The following RADIL variants were observed in gnomAD, a reference collection of about 807,000 sequenced individuals.
RADIL encodes Rap associating with DIL domain.
Under a neutral mutation model 97.6 loss-of-function variants are expected in RADIL, and 99 were observed. That is an observed-to-expected ratio of 1.01 (90% CI 0.86 to 1.20). The LOEUF (loss-of-function observed/expected upper bound fraction) is 1.20, where lower values mean the gene tolerates loss of function less well. Ranked by LOEUF, RADIL falls within the 50% of genes most tolerant of loss-of-function variation. The pLI, the probability that RADIL is intolerant of heterozygous loss-of-function variation, is 0.00. For missense variants in RADIL, 1,765 were observed against 1,498.9 expected (o/e 1.18, Z -2.93); for synonymous variants, 803 against 691.8 (o/e 1.16, Z -2.52).
At position 4,799,617 on chromosome 7, in the gene RADIL, G is replaced by A; in HGVS notation, c.3122+13C>T. 6.2e-7 allele frequency: 1 copy of A among 1,606,024 alleles called. No homozygotes were observed. Among genetic ancestry groups the A allele is most frequent in the Non-Finnish European group, 8.5e-7 (1 of 1,176,046 alleles). ...CTGGGAGAAGGGGCCGGGCGTGCAT[G>A]CGGTGGGGGTACCTCAGGTAGCCAA... On this transcript the variant is annotated intron_variant, in intron 14 of 14. Transcript: ENST00000399583.
rs934762507 is a variant in RADIL, at chr7:4,824,659, C to T, written c.1455-2105G>A. 6.6e-6 allele frequency among the ~76,000 whole-genome samples: 1 copy of T among 152,216 alleles called. No homozygotes were observed. The highest frequency in any genetic ancestry group is 1.5e-5 in the Non-Finnish European group (1 of 68,040). Reference sequence around the variant, plus strand: ...GGAAGAAACTGGACTGAGACCATCTCTCCTGTTTTTGGCGGCTAAGCAGGT... The same window carrying T: ...GGAAGAAACTGGACTGAGACCATCTTTCCTGTTTTTGGCGGCTAAGCAGGT... On this transcript the variant is annotated intron_variant, in intron 5 of 14. Coordinates refer to ENST00000399583, the MANE Select transcript of RADIL (RefSeq NM_018059.5). The surrounding 1 kb of genome is among the most constrained non-coding windows in gnomAD (Gnocchi z 6.7).
At position 4,797,313 on chromosome 7, in the gene RADIL, G is replaced by C. The variant is rs910004236; in HGVS notation, c.*2065C>G. On this transcript the variant is annotated 3_prime_UTR_variant, in exon 15 of 15. Coordinates refer to ENST00000399583, the MANE Select transcript of RADIL (RefSeq NM_018059.5). ...TCTTTCCATGGATGCTGAGTTCCAGGAGCATGAAAATAGAAACCAAAGGCC... is the reference window on the plus strand; with the variant it reads ...TCTTTCCATGGATGCTGAGTTCCAGCAGCATGAAAATAGAAACCAAAGGCC... The C allele has an allele frequency of 1.3e-5, 2 of 152,258 alleles. No homozygotes were observed. The highest frequency in any genetic ancestry group is 2.1e-4 in the South Asian group (1 of 4,832). 9.4% of individuals were successfully genotyped at this position (152,258 alleles called of 1,614,324 possible).
rs1217582075 is a variant in RADIL, at chr7:4,834,497, AC to A, written c.1416+109del. Reference sequence around the variant, plus strand: ...GCCGCCCTGCGCTCAGCAGCACAGCACCGTGGGGGTCAGATAGAGGCGCTCC... The same window carrying A: ...GCCGCCCTGCGCTCAGCAGCACAGCACGTGGGGGTCAGATAGAGGCGCTCC... On this transcript the variant is annotated intron_variant, in intron 4 of 14. Coordinates refer to ENST00000399583, the MANE Select transcript of RADIL (RefSeq NM_018059.5). The surrounding 1 kb of genome is among the most constrained non-coding windows in gnomAD (Gnocchi z 6.0). 6 of 1,182,496 alleles carry A rather than the reference AC, an allele frequency of 5.1e-6. No individual in the cohort carries two copies. Among genetic ancestry groups the A allele is most frequent in the Non-Finnish European group, 6.4e-6 (6 of 941,154 alleles). The allele number at this position is 1,182,496 out of a possible 1,614,324, so 73.3% of individuals were successfully genotyped here.
At chr7:4,843,165 G>T (rs7776704) in intron 2 of RADIL, among the ~76,000 whole-genome samples, 1 of 148,042 alleles carries the variant, frequency 6.8e-6, no homozygotes, top group Admixed American at 6.8e-5. Context: ...CACTACCCCC[G>T]ACCCCCGCCA....
In RADIL at chr7:4,854,841, A is replaced by C. The variant is rs1450701151; in HGVS notation, c.536-18236T>G. On this transcript the variant is annotated intron_variant, in intron 2 of 14. Transcript: ENST00000399583. This position sits in a 1 kb window ranked among gnomAD's most constrained non-coding sequence, Gnocchi z 5.1. The stretch of plus-strand genomic sequence containing the variant: ...CCACCCAACCTAAAAAGAATGCACT[A>C]GTTCCAGAGTCACATCAACCCTCCC... Among the ~76,000 whole-genome samples, 6 of 152,206 alleles carry C rather than the reference A, an allele frequency of 3.9e-5. No homozygotes were observed. Among genetic ancestry groups the C allele is most frequent in the Non-Finnish European group, 8.8e-5 (6 of 68,030 alleles).
chr7:4,806,156 T>C (rs1782301261), intron 9 of RADIL: 1 of 792,896 alleles, frequency 1.3e-6, no homozygotes, highest in Non-Finnish European at 1.5e-6. Context: ...TTTGTTTGTT[T>C]GCTTGTTTTT....
chr7:4,817,454 A>G lies in RADIL; in HGVS notation c.1616-103T>C. ...CTTTCCCTGGCGCGGGCACCACCCAACGCGCCCATCTGGGGTCCAGATGCG... is the reference window on the plus strand; with the variant it reads ...CTTTCCCTGGCGCGGGCACCACCCAGCGCGCCCATCTGGGGTCCAGATGCG... On this transcript the variant is annotated intron_variant, in intron 6 of 14. Coordinates refer to ENST00000399583, the MANE Select transcript of RADIL (RefSeq NM_018059.5). The surrounding 1 kb of genome is among the most constrained non-coding windows in gnomAD (Gnocchi z 8.3). The G allele has an allele frequency of 1.1e-6, 1 of 947,304 alleles. No homozygotes were observed. 58.7% of individuals were successfully genotyped at this position (947,304 alleles called of 1,614,324 possible).
Position 4,813,098 on chromosome 7 carries a change from CTCTT to C in RADIL, c.2139+2176_2139+2179del, listed in dbSNP as rs1389938878. Among the ~76,000 whole-genome samples, 15 of 149,656 alleles carry C rather than the reference CTCTT, an allele frequency of 1.0e-4. No individual in the cohort carries two copies. Among genetic ancestry groups the C allele is most frequent in the Middle Eastern group, 3.4e-3 (1 of 292 alleles). ...TTTCTCTCTCTCTCTCTCTCTCTCT[CTCTT>C]TCCTTTCTTTCTTTCTTTTCTTTCT... On this transcript the variant is annotated intron_variant, in intron 9 of 14. Transcript: ENST00000399583. This position sits in a 1 kb window ranked among gnomAD's most constrained non-coding sequence, Gnocchi z 5.0.
chr7:4,859,849 T>C, intron 2 of RADIL: 1 of 1,329,188 alleles, frequency 7.5e-7, no homozygotes, highest in Non-Finnish European at 1.0e-6. Flanking sequence ...GTTTTGGTTT[T>C]CTTGGTCCTT....
At chr7:4,823,333 T>A (rs1218910126) in intron 5 of RADIL, among the ~76,000 whole-genome samples, 3 of 81,066 alleles carry the variant, frequency 3.7e-5, no homozygotes, top group Admixed American at 3.1e-4. Context: ...TTAAAAACCT[T>A]TTTTTTTTTT....
At chr7:4,863,394 G>C (rs970792726) in intron 2 of RADIL, among the ~76,000 whole-genome samples, 1 of 152,220 alleles carries the variant, frequency 6.6e-6, no homozygotes, top group East Asian at 1.9e-4. Context: ...TGTTATCCAA[G>C]AACTCAGAGT....
At chr7:4,860,272 ACCTT>A (rs765585531) in intron 2 of RADIL, 8 of 1,613,964 alleles carry the variant, frequency 5.0e-6, no homozygotes, top group Non-Finnish European at 6.8e-6. Context: ...TCAATCTTCT[ACCTT>A]CTGTTGAGTG....
rs112228770 is a variant in RADIL at position 4,804,377 on chromosome 7, G to A, written c.2291-623C>T. Among the ~76,000 whole-genome samples the A allele has an allele frequency of 1.3e-3, 202 of 151,222 alleles. 1 individual carries two copies. Among genetic ancestry groups the A allele is most frequent in the African/African-American group, 4.6e-3 (185 of 40,658 alleles). On this transcript the variant is annotated intron_variant, in intron 10 of 14. Coordinates refer to ENST00000399583, the MANE Select transcript of RADIL (RefSeq NM_018059.5). ...GTTCTCCACGGTGACCCGGGGCTGC[G>A]GGGGGGCATCCAAGGCCCCATCGCC...
rs1188355790 is a variant in RADIL at position 4,817,848 on chromosome 7, G to A, written c.1616-497C>T. 2.6e-5 allele frequency among the ~76,000 whole-genome samples: 4 copies of A among 152,186 alleles called. No homozygotes were observed. The highest frequency in any genetic ancestry group is 4.4e-5 in the Non-Finnish European group (3 of 68,022). On this transcript the variant is annotated intron_variant, in intron 6 of 14. Transcript: ENST00000399583. This position sits in a 1 kb window ranked among gnomAD's most constrained non-coding sequence, Gnocchi z 8.3. ...CCCCCACCCCCGGGTGTCAGCCGGG[G>A]CGGCTGGAGCTGAGGCTGGGGGGAG...
Position 4,815,373 on chromosome 7 carries a change from G to T in RADIL, c.2044C>A (p.Arg682=). 1 of 1,563,142 alleles carries T rather than the reference G, an allele frequency of 6.4e-7. No individual in the cohort carries two copies. Among genetic ancestry groups the T allele is most frequent in the Non-Finnish European group, 8.7e-7 (1 of 1,154,536 alleles). The change falls in exon 9 of 15, where the codon CGG becomes AGG. Residue 682 remains arginine, a synonymous_variant. Coordinates refer to ENST00000399583, the MANE Select transcript of RADIL (RefSeq NM_018059.5). The surrounding 1 kb of genome is among the most constrained non-coding windows in gnomAD (Gnocchi z 8.0). ...ARLQQLLEWM[R]SAGFGAAGEH... ...CCAGCCGCCCCGAAGCCGGCGCTCC[G>T]CATCCACTCCAGGAGCTGCTGCAGG...
At position 4,807,735 on chromosome 7, in the gene RADIL, C is replaced by T. The variant is rs13311209; in HGVS notation, c.2140-2019G>A. 4.3e-3 allele frequency among the ~76,000 whole-genome samples: 313 copies of T among 72,024 alleles called. 3 individuals are homozygous for T. Among genetic ancestry groups the T allele is most frequent in the Middle Eastern group, 0.023 (3 of 130 alleles). The allele number at this position is 72,024 out of a possible 152,430, so 47.3% of individuals were successfully genotyped here. On this transcript the variant is annotated intron_variant, in intron 9 of 14. Coordinates refer to ENST00000399583, the MANE Select transcript of RADIL (RefSeq NM_018059.5). The stretch of plus-strand genomic sequence containing the variant: ...TCCCTCTCCTTCTCCCCCTCCGTCT[C>T]TCTGCCCTCCCTCCTCCCTTTCTCC...
At chr7:4,833,919 G>A (rs191315185) in intron 4 of RADIL, among the ~76,000 whole-genome samples, 2 of 151,818 alleles carry the variant, frequency 1.3e-5, no homozygotes, top group African/African-American at 4.8e-5. Flanking sequence ...GGTGTATTGC[G>A]TGTGTGTGTG....
At chr7:4,800,942 C>T (rs370996457) in intron 12 of RADIL, among the ~76,000 whole-genome samples, 1 of 152,230 alleles carries the variant, frequency 6.6e-6, no homozygotes, top group East Asian at 1.9e-4. Flanking sequence ...ACACCCAAGC[C>T]CCTCACAGGA....
chr7:4,816,037 C>T (rs1782669263), intron 8 of RADIL, among the ~76,000 whole-genome samples, 191 bp downstream of exon 8: 1 of 152,182 alleles, frequency 6.6e-6, no homozygotes, highest in Non-Finnish European at 1.5e-5. Flanking sequence ...GACCCTGGCT[C>T]CTACGGGATG....
Sources: allele counts gnomAD v4.1 joint callset (sites outside exome capture counted in the v4.1 genomes callset), GRCh38; gene constraint gnomAD v4.1.1; non-coding constraint Gnocchi (gnomAD v3.1); transcripts MANE v1.5; gene names NCBI Gene and HGNC (gene_info 2026-07-23, HGNC 2026-07-21).